Variants in KCNK10 observed in about 807,000 individuals in gnomAD.
KCNK10 encodes potassium two pore domain channel subfamily K member 10, also known as potassium channel subfamily K member 10.
A neutral mutation model predicts 47.7 loss-of-function variants in KCNK10; 25 were observed. The ratio of observed to expected loss-of-function variants is 0.52; its 90% CI spans 0.38 to 0.73. The LOEUF (loss-of-function observed/expected upper bound fraction) is 0.73. KCNK10 is among the 30% of genes least tolerant of loss of function. The pLI, the probability that KCNK10 is intolerant of heterozygous loss-of-function variation, is 0.00. For missense variants in KCNK10, 563 were observed against 714.5 expected (o/e 0.79, Z 2.42); for synonymous variants, 303 against 285.6 (o/e 1.06, Z -0.61).
chr14:88,251,370 A>G (rs1195269211), intron 2 of KCNK10, among the ~76,000 whole-genome samples: 1 of 152,160 alleles, frequency 6.6e-6, no homozygotes, highest in Non-Finnish European at 1.5e-5. Context: ...TCAACTTCAA[A>G]GAGCTCACAG....
intron 2 of KCNK10, among the ~76,000 whole-genome samples, chr14:88,259,198 T>C (rs1887041950): frequency 6.6e-6 from 1 of 152,240 alleles, no homozygotes; most frequent in Non-Finnish European, 1.5e-5. Flanking sequence ...CTCCCTGGTC[T>C]GTAAGAGTGG....
chr14:88,322,674 TTCCAC>T lies in KCNK10; in HGVS notation c.52+68_52+72del. ...CACACGCTGCCAGAAGCAAGAGTGC[TTCCAC>T]TCAAGGAAGCGCGCACACGCCGGAG... On this transcript the variant is annotated intron_variant, in intron 1 of 6. Transcript: ENST00000319231. The surrounding 1 kb of genome is among the most constrained non-coding windows in gnomAD (Gnocchi z 4.8). 6.3e-7 allele frequency: 1 copy of T among 1,591,824 alleles called. No individual in the cohort carries two copies. The highest frequency in any genetic ancestry group is 8.6e-7 in the Non-Finnish European group (1 of 1,160,218).
chr14:88,266,147 A>T (rs1887247219), intron 1 of KCNK10, among the ~76,000 whole-genome samples: 2 of 152,182 alleles, frequency 1.3e-5, no homozygotes, highest in Non-Finnish European at 2.9e-5. Flanking sequence ...AGTACCTGGC[A>T]CATGGTGGGT....
Position 88,306,926 on chromosome 14 carries a change from T to C in KCNK10, c.52+15821A>G, listed in dbSNP as rs550249065. Reference sequence around the variant, plus strand: ...TAGACTGGTCAACACTATGTGAGTATACAGACATGAAACCATATCCCCCTC... The same window carrying C: ...TAGACTGGTCAACACTATGTGAGTACACAGACATGAAACCATATCCCCCTC... On this transcript the variant is annotated intron_variant, in intron 1 of 6. Coordinates refer to ENST00000319231, the MANE Select transcript of KCNK10 (RefSeq NM_138317.3). Among the ~76,000 whole-genome samples the C allele has an allele frequency of 1.1e-4, 16 of 152,306 alleles. No individual in the cohort carries two copies. The East Asian group carries it at 2.1e-3, about 20-fold the overall frequency.
intron 2 of KCNK10, among the ~76,000 whole-genome samples, chr14:88,259,120 T>A (rs1251820639): frequency 6.6e-6 from 1 of 152,222 alleles, no homozygotes; most frequent in Non-Finnish European, 1.5e-5. Flanking sequence ...AAACAGACTA[T>A]TTTTAAATAC....
At chr14:88,224,011 T>C (rs1200356082) in intron 4 of KCNK10, among the ~76,000 whole-genome samples, 1 of 124,202 alleles carries the variant, frequency 8.1e-6, no homozygotes, top group Non-Finnish European at 1.6e-5. Flanking sequence ...TGAAATCCCA[T>C]CTCCACTTAA....
At chr14:88,252,407 G>A (rs1423961916) in intron 2 of KCNK10, among the ~76,000 whole-genome samples, 2 of 152,190 alleles carry the variant, frequency 1.3e-5, no homozygotes, top group Admixed American at 6.5e-5. Context: ...ATGAATAAGT[G>A]AGTGAGCAAA....
intron 4 of KCNK10, among the ~76,000 whole-genome samples, chr14:88,196,337 G>T (rs1363733683): frequency 6.6e-6 from 1 of 152,188 alleles, no homozygotes; most frequent in African/African-American, 2.4e-5. Flanking sequence ...TTTGAGAGAG[G>T]GATGTATGGA....
intron 3 of KCNK10, among the ~76,000 whole-genome samples, chr14:88,232,839 C>A (rs28689531): frequency 0.011 from 1,635 of 152,290 alleles, 35 homozygotes; most frequent in African/African-American, 0.038. Flanking sequence ...GAAAGCCCCC[C>A]TTCCTGTGCA....
At chr14:88,201,655 G>A (rs1191043916) in intron 4 of KCNK10, among the ~76,000 whole-genome samples, 18 of 151,242 alleles carry the variant, frequency 1.2e-4, no homozygotes, top group Admixed American at 8.6e-4. Context: ...GTGAGACTAC[G>A]TCTCAAAAAA....
At chr14:88,233,132 AAAC>A (rs1886201952) in intron 3 of KCNK10, among the ~76,000 whole-genome samples, 1 of 152,246 alleles carries the variant, frequency 6.6e-6, no homozygotes, top group African/African-American at 2.4e-5. Context: ...ACACTCGCTT[AAAC>A]AACGAAAGAA....
chr14:88,291,762 T>G (rs1000646597), intron 1 of KCNK10, among the ~76,000 whole-genome samples: 1 of 152,120 alleles, frequency 6.6e-6, no homozygotes, highest in East Asian at 1.9e-4. Context: ...GTGCGCAGTG[T>G]TTGGCCTGTA....
At chr14:88,299,339 G>A (rs908073868) in intron 1 of KCNK10, among the ~76,000 whole-genome samples, 2 of 152,206 alleles carry the variant, frequency 1.3e-5, no homozygotes, top group African/African-American at 4.8e-5. Flanking sequence ...ACATGGCAGA[G>A]ATTGGACCTG....
intron 3 of KCNK10, among the ~76,000 whole-genome samples, chr14:88,230,365 G>A (rs1384470155): frequency 6.6e-6 from 1 of 152,210 alleles, no homozygotes; most frequent in African/African-American, 2.4e-5. Context: ...CAGCCAAGGG[G>A]AGGCTGTAAT....
At chr14:88,204,390 G>A (rs771392219) in intron 4 of KCNK10, among the ~76,000 whole-genome samples, 1 of 152,210 alleles carries the variant, frequency 6.6e-6, no homozygotes, top group Non-Finnish European at 1.5e-5. Flanking sequence ...GATGGGCCTT[G>A]TCTGAGCCTT....
chr14:88,268,571 T>C (rs894736235), intron 1 of KCNK10, among the ~76,000 whole-genome samples: 3 of 152,186 alleles, frequency 2.0e-5, no homozygotes, highest in Non-Finnish European at 4.4e-5. Context: ...AACATAGCAA[T>C]TCCAGGGGGA....
chr14:88,249,893 T>C (rs367789555), intron 2 of KCNK10, among the ~76,000 whole-genome samples: 7 of 152,298 alleles, frequency 4.6e-5, no homozygotes, highest in African/African-American at 1.7e-4. Context: ...GAGCCAAACA[T>C]AGCACCTGCT....
Position 88,184,925 on chromosome 14 carries a change from T to C in KCNK10, c.*610A>G, listed in dbSNP as rs916780538. 6 of 152,948 alleles carry C rather than the reference T, an allele frequency of 3.9e-5. No individual in the cohort carries two copies. Among genetic ancestry groups the C allele is most frequent in the African/African-American group, 1.2e-4 (5 of 41,458 alleles). The allele number at this position is 152,948 out of a possible 1,614,324, so 9.5% of individuals were successfully genotyped here. ...TTTTCTTTTGTCATGAGAAAAGCAA[T>C]TGCACCTTTTCGTACGTGTGCTCTG... On this transcript the variant is annotated 3_prime_UTR_variant, in exon 7 of 7. Transcript: ENST00000319231.
intron 1 of KCNK10, among the ~76,000 whole-genome samples, chr14:88,306,631 C>T (rs1595131555): frequency 6.9e-6 from 1 of 144,000 alleles, no homozygotes; most frequent in Non-Finnish European, 1.5e-5. Flanking sequence ...GCTATCACAG[C>T]AACTGAGGAA....
Sources: allele counts gnomAD v4.1 joint callset (sites outside exome capture counted in the v4.1 genomes callset), GRCh38; gene constraint gnomAD v4.1.1; non-coding constraint Gnocchi (gnomAD v3.1); transcripts MANE v1.5; gene names NCBI Gene and HGNC (gene_info 2026-07-23, HGNC 2026-07-21).